Variants in ENOX1 observed in about 807,000 individuals in gnomAD.
ENOX1 encodes candidate growth-related and time keeping constitutive hydroquinone (NADH) oxidase.
In ENOX1, 42 loss-of-function variants were observed where a neutral mutation model predicts 82.5. The ratio of observed to expected loss-of-function variants is 0.51; its 90% confidence interval spans 0.40 to 0.66. The LOEUF (loss-of-function observed/expected upper bound fraction) is 0.66. ENOX1 is among the 30% of genes least tolerant of loss of function. The probability of loss-of-function intolerance (pLI) is 0.00; values close to 1 mark genes in which losing one functional copy is unlikely to be tolerated. For synonymous variants in ENOX1, 271 were observed against 282.2 expected, an observed-to-expected ratio of 0.96 and a Z score of 0.40; for missense variants, 608 against 811.6, an observed-to-expected ratio of 0.75 and a Z score of 3.05.
intron 1 of ENOX1, among the ~76,000 whole-genome samples, chr13:43,683,903 G>T (rs1230664931): frequency 6.6e-6 from 1 of 151,926 alleles, no homozygotes; most frequent in East Asian, 1.9e-4. Context: ...GACACTATGG[G>T]AAGAGAACTC....
intron 12 of ENOX1, among the ~76,000 whole-genome samples, chr13:43,271,120 T>C (rs920732819): frequency 1.3e-5 from 2 of 152,124 alleles, no homozygotes; most frequent in South Asian, 2.1e-4. Flanking sequence ...AATCCTTAAA[T>C]CTCTTTTGAA....
intron 2 of ENOX1, among the ~76,000 whole-genome samples, chr13:43,493,833 G>A (rs770812029): frequency 2.0e-5 from 3 of 152,130 alleles, no homozygotes; most frequent in Non-Finnish European, 2.9e-5. Context: ...CTATTCTCAC[G>A]CTGCTACAAA....
chr13:43,294,203 C>A (rs2153504126), intron 12 of ENOX1, among the ~76,000 whole-genome samples: 1 of 152,240 alleles, frequency 6.6e-6, no homozygotes, highest in Non-Finnish European at 1.5e-5. Flanking sequence ...GGAAGGAGCC[C>A]TTTGACATAA....
intron 9 of ENOX1, among the ~76,000 whole-genome samples, chr13:43,341,667 T>C (rs2049070551): frequency 6.6e-6 from 1 of 152,144 alleles, no homozygotes; most frequent in African/African-American, 2.4e-5. Flanking sequence ...TTGTATCAGA[T>C]GGAATGTGAA....
At chr13:43,473,101 T>C (rs2058137811) in intron 3 of ENOX1, among the ~76,000 whole-genome samples, 2 of 152,214 alleles carry the variant, frequency 1.3e-5, no homozygotes, top group African/African-American at 4.8e-5. Context: ...TATAAACAGA[T>C]ATTTTCCAAG....
At chr13:43,479,798 G>C (rs1294210716) in intron 3 of ENOX1, among the ~76,000 whole-genome samples, 2 of 152,164 alleles carry the variant, frequency 1.3e-5, no homozygotes, top group Non-Finnish European at 2.9e-5. Flanking sequence ...CTGTAGTCTG[G>C]GCAGTTGCAG....
chr13:43,780,275 A>C (rs926516039), intron 1 of ENOX1, among the ~76,000 whole-genome samples: 10 of 152,044 alleles, frequency 6.6e-5, no homozygotes, highest in African/African-American at 2.4e-4. Flanking sequence ...AAAGAAATAC[A>C]TAGTATGATA....
chr13:43,453,981 T>C (rs1375552308), intron 3 of ENOX1, among the ~76,000 whole-genome samples: 1 of 152,078 alleles, frequency 6.6e-6, no homozygotes, highest in Non-Finnish European at 1.5e-5. Flanking sequence ...CTATTAGACA[T>C]GAGATAGATA....
intron 1 of ENOX1, among the ~76,000 whole-genome samples, chr13:43,752,116 G>T (rs571108785): frequency 8.3e-4 from 127 of 152,104 alleles, no homozygotes; most frequent in African/African-American, 2.9e-3. Context: ...GTTTTAATTT[G>T]CATTTCCCTA....
chr13:43,344,893 T>C (rs2049289008), intron 8 of ENOX1, 143 bp from the exon 9 acceptor site: 11 of 759,832 alleles, frequency 1.4e-5, no homozygotes, highest in Admixed American at 2.8e-5. Context: ...TGAGACTGAC[T>C]GCCATATCAT....
chr13:43,690,920 C>T (rs1248814869), intron 1 of ENOX1, among the ~76,000 whole-genome samples: 2 of 152,130 alleles, frequency 1.3e-5, no homozygotes, highest in East Asian at 1.9e-4. Context: ...GGCAAGAGTT[C>T]GCCAACACCA....
At chr13:43,381,560 A>ATT in intron 5 of ENOX1, among the ~76,000 whole-genome samples, 1 of 151,648 alleles carries the variant, frequency 6.6e-6, no homozygotes, top group Admixed American at 6.6e-5. Flanking sequence ...TGACATAGAA[A>ATT]AACTATAGAG....
At position 43,361,417 on chromosome 13, in the gene ENOX1, T is replaced by C. The variant is rs373869267; in HGVS notation, c.244A>G (p.Asn82Asp). The C allele has an allele frequency of 7.4e-6, 12 of 1,613,078 alleles. No individual in the cohort carries two copies. Among genetic ancestry groups the C allele is most frequent in the Non-Finnish European group, 1.0e-5 (12 of 1,179,840 alleles). ...ATGGGGGTGATTCCAGTCATCATGT[T>C]GAGGCTTGGATCAAAGCCTGGGACA... ...ICVPGFDPSL[N>D]MMTGITPINP... Residue 82 changes from asparagine (N) to aspartate (D), a missense_variant, in exon 6 of 17, where the codon AAC becomes GAC. Transcript: ENST00000690772.
intron 3 of ENOX1, among the ~76,000 whole-genome samples, chr13:43,482,193 T>G (rs2058532643): frequency 1.3e-5 from 2 of 152,226 alleles, no homozygotes; most frequent in Admixed American, 1.3e-4. Flanking sequence ...TACACACTCA[T>G]GTTCACTGCA....
At position 43,322,424 on chromosome 13, in the gene ENOX1, G is replaced by A. The variant is rs759948852; in HGVS notation, c.1221C>T (p.Asn407=). The A allele has an allele frequency of 1.2e-6, 2 of 1,614,104 alleles. No individual in the cohort carries two copies. The highest frequency in any genetic ancestry group is 2.2e-5 in the South Asian group (2 of 91,068). The part of the protein sequence containing the change: ...EEEMEMSDDE[N]CDSPTKKMRV... Reference sequence around the variant, plus strand: ...TCATTTTCTTTGTAGGGCTGTCACAGTTCTCATCATCAGACATTTCCATTT... The same window carrying A: ...TCATTTTCTTTGTAGGGCTGTCACAATTCTCATCATCAGACATTTCCATTT... Residue 407 remains asparagine (N), a synonymous_variant, in exon 11 of 17, where the codon AAC becomes AAT. Transcript: ENST00000690772.
At chr13:43,226,217 A>G (rs2042016798) in intron 15 of ENOX1, among the ~76,000 whole-genome samples, 1 of 152,240 alleles carries the variant, frequency 6.6e-6, no homozygotes, top group African/African-American at 2.4e-5. Context: ...TTTCTTTAAA[A>G]AAATTAGAAT....
intron 1 of ENOX1, among the ~76,000 whole-genome samples, chr13:43,772,509 G>A (rs925577780): frequency 1.3e-5 from 2 of 152,054 alleles, no homozygotes; most frequent in African/African-American, 4.8e-5. Flanking sequence ...AGCACTTTGG[G>A]AGGCCAAGGC....
chr13:43,765,145 A>G (rs1231887432), intron 1 of ENOX1, among the ~76,000 whole-genome samples: 2 of 152,248 alleles, frequency 1.3e-5, no homozygotes, highest in Non-Finnish European at 2.9e-5. Context: ...CCTAGTTGTC[A>G]TATTCCTCAA....
At chr13:43,656,224 A>C (rs1158214734) in intron 2 of ENOX1, among the ~76,000 whole-genome samples, 1 of 152,216 alleles carries the variant, frequency 6.6e-6, no homozygotes, top group Admixed American at 6.5e-5. Flanking sequence ...AGCCATTAAA[A>C]GGGTAAAATA....
Sources: gnomAD v4.1 joint callset for allele counts (sites outside exome capture counted in the v4.1 genomes callset) on GRCh38, gnomAD v4.1.1 for gene constraint, MANE v1.5 for transcripts, NCBI Gene and HGNC (gene_info 2026-07-23, HGNC 2026-07-21) for gene names.